The following EIF4B variants were observed in gnomAD, a reference collection of about 807,000 sequenced individuals.
The protein encoded by EIF4B is eukaryotic translation initiation factor 4B.
In EIF4B, 8 loss-of-function variants were observed where a neutral mutation model predicts 79.3. That is an observed-to-expected ratio of 0.10 (90% CI 0.06 to 0.18). EIF4B has a LOEUF of 0.18. EIF4B is among the 10% of genes least tolerant of loss of function. The pLI, the probability that EIF4B is intolerant of heterozygous loss-of-function variation, is 1.00. For missense variants in EIF4B, 515 were observed against 792.4 expected (o/e 0.65, Z 4.20); for synonymous variants, 238 against 274.7 (o/e 0.87, Z 1.32).
rs527918509 is a variant in EIF4B at position 53,029,483 on chromosome 12, C to T, written c.979+1295C>T. Among the ~76,000 whole-genome samples the T allele has an allele frequency of 4.6e-5, 7 of 151,118 alleles. No homozygotes were observed. In the South Asian group the frequency reaches 1.5e-3, roughly 32 times the overall value. On this transcript the variant is annotated intron_variant, in intron 8 of 14. Transcript: ENST00000262056. ...CTTTGCGTCCTAGGTTCAAGCAATT[C>T]TCTTGCCTCAGCCTCCCGAGTAGCT...
At chr12:53,009,983 T>C (rs1943037279) in intron 1 of EIF4B, among the ~76,000 whole-genome samples, 3 of 152,216 alleles carry the variant, frequency 2.0e-5, no homozygotes, top group East Asian at 1.9e-4. Context: ...AGGTTTGCCT[T>C]ATGTACATTT....
intron 2 of EIF4B, among the ~76,000 whole-genome samples, chr12:53,017,052 A>AG (rs1453608297): frequency 1.3e-5 from 2 of 152,194 alleles, no homozygotes; most frequent in African/African-American, 4.8e-5. Context: ...GAGAAGTTCA[A>AG]GACCAGCCTG....
At chr12:53,040,095 G>T (rs781682148) in intron 14 of EIF4B, 48 bp from the exon 15 acceptor site, 1 of 1,600,528 alleles carries the variant, frequency 6.2e-7, no homozygotes, top group East Asian at 2.2e-5. Context: ...GGGTTTTGAT[G>T]TGATAATTCA....
intron 1 of EIF4B, among the ~76,000 whole-genome samples, chr12:53,006,923 C>A (rs1289179820): frequency 2.0e-5 from 2 of 100,392 alleles, no homozygotes; most frequent in African/African-American, 8.0e-5. Flanking sequence ...TGTAGCGGAC[C>A]GGAGTGGGGG....
At chr12:53,017,520 A>G (rs767859883) in intron 2 of EIF4B, among the ~76,000 whole-genome samples, 2 of 152,150 alleles carry the variant, frequency 1.3e-5, no homozygotes, top group Non-Finnish European at 2.9e-5. Context: ...TCTCATTACC[A>G]TTGTTTTTTT....
intron 10 of EIF4B, among the ~76,000 whole-genome samples, chr12:53,036,909 C>G (rs145783226): frequency 2.6e-5 from 4 of 152,282 alleles, no homozygotes; most frequent in Non-Finnish European, 5.9e-5. Flanking sequence ...TGGTCTGAAA[C>G]TCTTAGGCTC....
At position 53,018,684 on chromosome 12, in the gene EIF4B, C is replaced by G. The variant is rs1050929760; in HGVS notation, c.152-114C>G. 6 of 1,223,484 alleles carry G rather than the reference C, an allele frequency of 4.9e-6. No individual in the cohort carries two copies. In the African/African-American group the frequency reaches 7.7e-5, roughly 16 times the overall value. The allele number at this position is 1,223,484 out of a possible 1,614,324, so 75.8% of individuals were successfully genotyped here. ...TTACTGAACCCCCACTTTTTTTGGT[C>G]TGGTTTTCTTGTATAGCATGTTTAA... On this transcript the variant is annotated intron_variant, in intron 2 of 14. Transcript: ENST00000262056.
intron 1 of EIF4B, among the ~76,000 whole-genome samples, chr12:53,016,143 A>T (rs959031560): frequency 6.6e-6 from 1 of 152,234 alleles, no homozygotes; most frequent in Non-Finnish European, 1.5e-5. Flanking sequence ...GAATAGAAGT[A>T]GTTACAAAAT....
At chr12:53,030,961 C>T (rs1304845435) in intron 8 of EIF4B, among the ~76,000 whole-genome samples, 1 of 152,062 alleles carries the variant, frequency 6.6e-6, no homozygotes, top group Non-Finnish European at 1.5e-5. Context: ...CCACCAAGAG[C>T]TGCATACCTA....
chr12:53,011,109 T>A (rs553509593), intron 1 of EIF4B, among the ~76,000 whole-genome samples: 1 of 151,852 alleles, frequency 6.6e-6, no homozygotes, highest in African/African-American at 2.4e-5. Flanking sequence ...ACAAAAAAAA[T>A]TTTAAAAATT....
intron 6 of EIF4B, among the ~76,000 whole-genome samples, chr12:53,024,375 T>G (rs1943299805): frequency 2.0e-5 from 3 of 152,188 alleles, no homozygotes. Context: ...GTGTATAAAT[T>G]TGAAAACAAT....
chr12:53,011,901 A>T (rs1943071325), intron 1 of EIF4B, among the ~76,000 whole-genome samples: 1 of 152,200 alleles, frequency 6.6e-6, no homozygotes, highest in Non-Finnish European at 1.5e-5. Context: ...TTCACATAAG[A>T]TTTAGAGAAA....
intron 6 of EIF4B, among the ~76,000 whole-genome samples, chr12:53,023,578 A>ATT (rs1210893432): frequency 0.18 from 19,206 of 109,026 alleles, 2,730 homozygotes; most frequent in East Asian, 0.47. Context: ...AAAATGTAAA[A>ATT]TTTTTTTTTT....
At chr12:53,008,925 C>T (rs377019464) in intron 1 of EIF4B, among the ~76,000 whole-genome samples, 13 of 152,152 alleles carry the variant, frequency 8.5e-5, no homozygotes, top group African/African-American at 3.1e-4. Flanking sequence ...ATCCCAGCTA[C>T]TCCGGAGGCT....
Position 53,018,797 on chromosome 12 carries a change from G to A in EIF4B, c.152-1G>A. 1 of 1,612,194 alleles carries A rather than the reference G, an allele frequency of 6.2e-7. No homozygotes were observed. On this transcript the variant is annotated splice_acceptor_variant, in intron 2 of 14. Transcript: ENST00000262056. LOFTEE classifies it high-confidence loss of function. ...TTCTTACATTCATTCCTCTATCCTA[G>A]TTTCGACCACTTGGCACAGTAACGA...
Position 53,029,927 on chromosome 12 carries a change from T to A in EIF4B, c.979+1739T>A, listed in dbSNP as rs76679920. On this transcript the variant is annotated intron_variant, in intron 8 of 14. Coordinates refer to ENST00000262056, the MANE Select transcript of EIF4B (RefSeq NM_001417.7). ...ATAATAATTCAATGTTTGTTTTTTT[T>A]AAAAAAAACTTAGGCCAGCCATGGT... is the stretch of plus-strand genomic sequence containing the variant. 1.5e-3 allele frequency among the ~76,000 whole-genome samples: 224 copies of A among 151,002 alleles called. 1 individual carries two copies. Among genetic ancestry groups the A allele is most frequent in the Non-Finnish European group, 2.3e-3 (154 of 67,898 alleles).
chr12:53,007,768 A>G (rs909552085), intron 1 of EIF4B, among the ~76,000 whole-genome samples: 5 of 152,192 alleles, frequency 3.3e-5, no homozygotes, highest in Non-Finnish European at 5.9e-5. Context: ...TTGGCTTTGG[A>G]AAATGTTGAG....
At chr12:53,008,500 A>C (rs1176011654) in intron 1 of EIF4B, 4 of 152,192 alleles carry the variant, frequency 2.6e-5, no homozygotes, top group Non-Finnish European at 5.9e-5. Flanking sequence ...GTATTCCCTG[A>C]TGTGGGAAAT....
At chr12:53,026,406 A>G (rs1375167436) in intron 6 of EIF4B, among the ~76,000 whole-genome samples, 2 of 152,186 alleles carry the variant, frequency 1.3e-5, no homozygotes, top group South Asian at 2.1e-4. Context: ...TGAAATGCAC[A>G]TGTGTGTGTA....
Sources: allele counts gnomAD v4.1 joint callset (sites outside exome capture counted in the v4.1 genomes callset), GRCh38; gene constraint gnomAD v4.1.1; transcripts MANE v1.5; gene names NCBI Gene and HGNC (gene_info 2026-07-23, HGNC 2026-07-21).